Variants in CPNE4 observed in about 807,000 individuals in gnomAD.
CPNE4 encodes the protein copine 4.
In CPNE4, 25 loss-of-function variants were observed where a neutral mutation model predicts 67.9. That is an observed-to-expected ratio of 0.37 (90% CI 0.27 to 0.51). CPNE4 has a LOEUF of 0.51. CPNE4 is among the 20% of genes least tolerant of loss of function. The pLI, the probability that CPNE4 is intolerant of heterozygous loss-of-function variation, is 0.93. For synonymous variants in CPNE4, 242 were observed against 244.9 expected (o/e 0.99, Z 0.11); for missense variants, 464 against 690.8 (o/e 0.67, Z 3.68).
chr3:131,579,189 A>G (rs1047520595), intron 9 of CPNE4, among the ~76,000 whole-genome samples: 2 of 152,214 alleles, frequency 1.3e-5, no homozygotes, highest in African/African-American at 4.8e-5. Flanking sequence ...ACTCTTAACA[A>G]TTATGCTATA....
At chr3:131,784,652 T>C (rs533655849) in intron 2 of CPNE4, among the ~76,000 whole-genome samples, 23 of 152,270 alleles carry the variant, frequency 1.5e-4, no homozygotes, top group African/African-American at 4.8e-4. Context: ...TCCAGTGGGA[T>C]TGGGCTTCAG....
intron 2 of CPNE4, among the ~76,000 whole-genome samples, chr3:131,770,505 T>C (rs960709483): frequency 7.9e-5 from 12 of 152,108 alleles, no homozygotes; most frequent in African/African-American, 2.9e-4. Context: ...CAGAGATAGG[T>C]GGAGCTAGCA....
chr3:131,964,908 A>G (rs2072298227), intron 1 of CPNE4, among the ~76,000 whole-genome samples: 1 of 152,144 alleles, frequency 6.6e-6, no homozygotes, highest in African/African-American at 2.4e-5. Context: ...GAGCAACCCC[A>G]AGGCACATAA....
chr3:131,775,163 A>T (rs901451446), intron 2 of CPNE4, among the ~76,000 whole-genome samples: 5 of 152,118 alleles, frequency 3.3e-5, no homozygotes, highest in Admixed American at 6.6e-5. Flanking sequence ...TTCACCTCCA[A>T]AGAAGGCCCT....
intron 11 of CPNE4, among the ~76,000 whole-genome samples, chr3:131,557,713 T>C (rs915718602): frequency 3.3e-5 from 5 of 152,054 alleles, no homozygotes; most frequent in African/African-American, 1.2e-4. Context: ...TAGCTATAGA[T>C]AGGAGAAAAT....
At chr3:131,691,918 G>A (rs1330105283) in intron 5 of CPNE4, among the ~76,000 whole-genome samples, 1 of 152,102 alleles carries the variant, frequency 6.6e-6, no homozygotes, top group Non-Finnish European at 1.5e-5. Context: ...GTCTAATTGT[G>A]TGGTCACTTT....
rs191693169 is a variant in CPNE4, at chr3:131,597,532, A to C, written c.682-9950T>G. Among the ~76,000 whole-genome samples the C allele has an allele frequency of 1.1e-4, 16 of 152,320 alleles. No individual in the cohort carries two copies. The East Asian group carries it at 3.1e-3, about 29-fold the overall frequency. On this transcript the variant is annotated intron_variant, in intron 7 of 15. Transcript: ENST00000429747. ...TTGACATCAGAGTTCAAATGATCTGAATCTGATTCAGTTCCTGGTGGGCAG... is the reference window on the plus strand; with the variant it reads ...TTGACATCAGAGTTCAAATGATCTGCATCTGATTCAGTTCCTGGTGGGCAG...
chr3:131,828,285 T>C (rs1459862607), intron 2 of CPNE4, among the ~76,000 whole-genome samples: 2 of 152,188 alleles, frequency 1.3e-5, no homozygotes, highest in Non-Finnish European at 2.9e-5. Context: ...AATACTATAA[T>C]CAAGATATAG....
At chr3:131,615,601 CTTTG>C (rs1328335423) in intron 7 of CPNE4, among the ~76,000 whole-genome samples, 4 of 151,884 alleles carry the variant, frequency 2.6e-5, no homozygotes, top group African/African-American at 9.7e-5. Context: ...TTCTTAAAAC[CTTTG>C]TTTATGTGCT....
At chr3:131,592,785 G>C (rs2107710179) in intron 7 of CPNE4, among the ~76,000 whole-genome samples, 1 of 152,192 alleles carries the variant, frequency 6.6e-6, no homozygotes, top group Admixed American at 6.5e-5. Flanking sequence ...AATCCTCTAA[G>C]GTTTAGTGAG....
chr3:132,038,239 A>G (rs1421811578), upstream of CPNE4, among the ~76,000 whole-genome samples: 2 of 152,176 alleles, frequency 1.3e-5, no homozygotes, highest in African/African-American at 4.8e-5. Flanking sequence ...AGAAAGGAAC[A>G]CTCTAAGAAA....
At chr3:132,015,207 T>A (rs531964234) in intron 1 of CPNE4, among the ~76,000 whole-genome samples, 3 of 152,230 alleles carry the variant, frequency 2.0e-5, no homozygotes, top group Admixed American at 2.0e-4. Context: ...GGGCTTAGGT[T>A]TTTCTTATTT....
chr3:131,937,124 TA>T (rs2107844753), intron 1 of CPNE4, among the ~76,000 whole-genome samples: 1 of 151,994 alleles, frequency 6.6e-6, no homozygotes, highest in African/African-American at 2.4e-5. Context: ...ACAGAATAAT[TA>T]AAAACATACA....
intron 2 of CPNE4, among the ~76,000 whole-genome samples, chr3:131,829,389 C>T (rs551799955): frequency 4.6e-5 from 7 of 152,222 alleles, no homozygotes; most frequent in Admixed American, 2.0e-4. Flanking sequence ...ACATTTGAAA[C>T]CCATCTCTTT....
At chr3:131,871,260 T>C (rs1285479512) in intron 2 of CPNE4, among the ~76,000 whole-genome samples, 1 of 152,188 alleles carries the variant, frequency 6.6e-6, no homozygotes, top group Non-Finnish European at 1.5e-5. Flanking sequence ...GGAGAATGAC[T>C]TCCTGTGCCC....
intron 2 of CPNE4, among the ~76,000 whole-genome samples, chr3:131,857,731 C>T (rs1313176566): frequency 2.6e-5 from 4 of 152,004 alleles, no homozygotes; most frequent in African/African-American, 9.7e-5. Context: ...AGAGGGAAAC[C>T]CTGTTACGGC....
chr3:131,796,409 T>C (rs183728790), intron 2 of CPNE4, among the ~76,000 whole-genome samples: 1 of 152,290 alleles, frequency 6.6e-6, no homozygotes, highest in East Asian at 1.9e-4. Flanking sequence ...TACACACACA[T>C]TCATTGATTC....
chr3:131,904,680 C>A (rs1012696974), intron 2 of CPNE4, among the ~76,000 whole-genome samples: 2 of 152,170 alleles, frequency 1.3e-5, no homozygotes, highest in East Asian at 3.9e-4. Context: ...CCCTCTACTG[C>A]AGACAGAGAT....
chr3:131,755,375 C>T (rs906506777), intron 2 of CPNE4, among the ~76,000 whole-genome samples: 4 of 152,050 alleles, frequency 2.6e-5, no homozygotes, highest in Non-Finnish European at 5.9e-5. Flanking sequence ...AACAGCCATA[C>T]GGACCTGTGA....
Sources: allele counts gnomAD v4.1 joint callset (sites outside exome capture counted in the v4.1 genomes callset), GRCh38; gene constraint gnomAD v4.1.1; transcripts MANE v1.5; gene names NCBI Gene and HGNC (gene_info 2026-07-23, HGNC 2026-07-21).